The following GLS variants were observed in gnomAD, a reference collection of about 807,000 sequenced individuals.
GLS encodes the protein glutaminase.
A neutral mutation model predicts 86.7 loss-of-function variants in GLS; 36 were observed. The observed-to-expected ratio is 0.42, with a 90% CI of 0.32 to 0.55. GLS has a LOEUF of 0.55. Among genes scored for constraint, GLS ranks in the 20% least tolerant of loss-of-function variants. The probability of loss-of-function intolerance (pLI) is 0.17; values close to 1 mark genes in which losing one functional copy is unlikely to be tolerated. For missense variants in GLS, 528 were observed against 833.4 expected (o/e 0.63, Z 4.51); for synonymous variants, 317 against 305.9 (o/e 1.04, Z -0.38).
chr2:190,954,472 T>G lies in GLS; in HGVS notation c.1713-112T>G. 1 of 688,808 alleles carries G rather than the reference T, an allele frequency of 1.5e-6. No individual in the cohort carries two copies. The highest frequency in any genetic ancestry group is 1.8e-5 in the African/African-American group (1 of 55,270). 42.7% of individuals were successfully genotyped at this position (688,808 alleles called of 1,614,324 possible). A position where few individuals can be genotyped will look rare whatever the true frequency, so the allele number is the denominator to read the frequency against. ...GGTCGGTAGTTCCCATTAATGAGCT[T>G]GATGAAGGATGGCACCTGACAGGGC... On this transcript the variant is annotated intron_variant, in intron 15 of 17. Coordinates refer to ENST00000320717, the MANE Select transcript of GLS (RefSeq NM_014905.5). This position sits in a 1 kb window ranked among gnomAD's most constrained non-coding sequence, Gnocchi z 4.0.
At chr2:190,881,599 GGCCTGCGCC>G in intron 1 of GLS, 129 bp downstream of exon 1, 1 of 907,474 alleles carries the variant, frequency 1.1e-6, no homozygotes, top group Middle Eastern at 3.5e-4. Flanking sequence ...GGTGCCGGGC[GGCCTGCGCC>G]GTCTGCGCCA....
intron 14 of GLS, among the ~76,000 whole-genome samples, chr2:190,942,395 TTAAA>T (rs1329062293): frequency 6.6e-6 from 1 of 152,048 alleles, no homozygotes; most frequent in Non-Finnish European, 1.5e-5. Flanking sequence ...TTTGAAGACT[TTAAA>T]AAAGGGGAGA....
chr2:190,944,960 A>G (rs1203465583), intron 14 of GLS, among the ~76,000 whole-genome samples: 3 of 152,194 alleles, frequency 2.0e-5, no homozygotes, highest in South Asian at 2.1e-4. Flanking sequence ...TTTTCTATAA[A>G]TTGTTTCTTT....
chr2:190,892,051 A>G (rs1688581191), intron 1 of GLS, among the ~76,000 whole-genome samples: 1 of 152,130 alleles, frequency 6.6e-6, no homozygotes, highest in Admixed American at 6.5e-5. Context: ...GATGTCATAG[A>G]TCTATTCTTG....
At chr2:190,936,886 T>A (rs1405765801) in intron 14 of GLS, among the ~76,000 whole-genome samples, 1 of 151,348 alleles carries the variant, frequency 6.6e-6, no homozygotes, top group East Asian at 1.9e-4. Context: ...TTCTCCTACA[T>A]GGCCTTGAAA....
At chr2:190,948,508 G>A (rs183806384) in intron 14 of GLS, among the ~76,000 whole-genome samples, 1 of 152,228 alleles carries the variant, frequency 6.6e-6, no homozygotes, top group African/African-American at 2.4e-5. Context: ...CTCTTCAAAC[G>A]AGCATGGTCT....
At chr2:190,891,559 A>G (rs1165035671) in intron 1 of GLS, among the ~76,000 whole-genome samples, 2 of 152,148 alleles carry the variant, frequency 1.3e-5, no homozygotes, top group Non-Finnish European at 2.9e-5. Context: ...TTAGGAATAA[A>G]TAGTGTAAAA....
At chr2:190,902,118 G>A in intron 5 of GLS, 92 bp downstream of exon 5, 1 of 745,176 alleles carries the variant, frequency 1.3e-6, no homozygotes, top group Non-Finnish European at 2.4e-6. Flanking sequence ...CTTTTATAAT[G>A]GAAATTAGTC....
At chr2:190,937,958 G>A (rs1690322213) in intron 14 of GLS, among the ~76,000 whole-genome samples, 1 of 150,242 alleles carries the variant, frequency 6.7e-6, no homozygotes, top group Non-Finnish European at 1.5e-5. Flanking sequence ...AAAGGCAAGC[G>A]TTAGAAACAG....
At chr2:190,910,657 G>A (rs1208935239) in intron 7 of GLS, among the ~76,000 whole-genome samples, 2 of 146,744 alleles carry the variant, frequency 1.4e-5, no homozygotes, top group Non-Finnish European at 3.0e-5. Flanking sequence ...TTTCCTTTTG[G>A]TTCTTCCAGA....
intron 14 of GLS, among the ~76,000 whole-genome samples, chr2:190,948,849 A>G (rs1205154770): frequency 6.6e-6 from 1 of 152,150 alleles, no homozygotes; most frequent in Non-Finnish European, 1.5e-5. Flanking sequence ...TTTCAGGAGA[A>G]TAGTATGCAC....
At position 190,955,897 on chromosome 2, in the gene GLS, A is replaced by G. The variant is rs1325452217; in HGVS notation, c.1853+1079A>G. On this transcript the variant is annotated intron_variant, in intron 17 of 17. Transcript: ENST00000320717. The surrounding 1 kb of genome is among the most constrained non-coding windows in gnomAD (Gnocchi z 5.6). ...CCAGTGATGATGATATTTTTTTCACATGTTTGTTGGCTGCATAAATGTCTT... is the reference window on the plus strand; with the variant it reads ...CCAGTGATGATGATATTTTTTTCACGTGTTTGTTGGCTGCATAAATGTCTT... Among the ~76,000 whole-genome samples the G allele has an allele frequency of 5.3e-5, 8 of 151,730 alleles. No homozygotes were observed. Among genetic ancestry groups the G allele is most frequent in the African/African-American group, 1.9e-4 (8 of 41,448 alleles).
In GLS at chr2:190,938,611, CTT is replaced by C. The variant is rs1288654828; in HGVS notation, c.1650+6978_1650+6979del. ...CTTTTCCAGGTTTCCTAGCACTTTG[CTT>C]TTTCTATTAGCATATTTAGATTTTT... On this transcript the variant is annotated intron_variant, in intron 14 of 17. Transcript: ENST00000320717. This position sits in a 1 kb window ranked among gnomAD's most constrained non-coding sequence, Gnocchi z 4.1. 6.6e-6 allele frequency among the ~76,000 whole-genome samples: 1 copy of C among 151,624 alleles called. No individual in the cohort carries two copies. The highest frequency in any genetic ancestry group is 1.9e-4 in the East Asian group (1 of 5,198).
At chr2:190,902,481 T>C (rs1413391499) in intron 5 of GLS, among the ~76,000 whole-genome samples, 1 of 152,146 alleles carries the variant, frequency 6.6e-6, no homozygotes, top group Non-Finnish European at 1.5e-5. Context: ...TAAAAGTCAG[T>C]TGCAAAACAT....
At chr2:190,901,145 T>TA (rs2124840823) in intron 4 of GLS, among the ~76,000 whole-genome samples, 1 of 152,188 alleles carries the variant, frequency 6.6e-6, no homozygotes, top group Non-Finnish European at 1.5e-5. Flanking sequence ...AAGCAGGGGT[T>TA]AGGGATGCCA....
Position 190,914,677 on chromosome 2 carries a change from C to CT in GLS, c.1038+4357dup, listed in dbSNP as rs1480716668. Among the ~76,000 whole-genome samples the CT allele has an allele frequency of 2.6e-5, 4 of 151,914 alleles. No individual in the cohort carries two copies. On this transcript the variant is annotated intron_variant, in intron 7 of 17. Transcript: ENST00000320717. This position sits in a 1 kb window ranked among gnomAD's most constrained non-coding sequence, Gnocchi z 4.4. ...TTTTTGCCTTTTTCCTCTATGATCT[C>CT]TAATTTTTAATTGGCTTGCACCTCC...
At chr2:190,923,841 C>T in intron 9 of GLS, 76 bp from the exon 10 acceptor site, 1 of 871,334 alleles carries the variant, frequency 1.1e-6, no homozygotes, top group South Asian at 1.4e-5. Flanking sequence ...CTGTACATTG[C>T]TATGCAAATG....
intron 17 of GLS, among the ~76,000 whole-genome samples, chr2:190,959,372 C>A (rs1442461870): frequency 6.6e-6 from 1 of 151,842 alleles, no homozygotes; most frequent in Non-Finnish European, 1.5e-5. Flanking sequence ...TTGACTCTAT[C>A]CAATTTGCCA....
chr2:190,924,005 T>C lies in GLS; in HGVS notation c.1197+22T>C. On this transcript the variant is annotated intron_variant, in intron 10 of 17. Coordinates refer to ENST00000320717, the MANE Select transcript of GLS (RefSeq NM_014905.5). This position sits in a 1 kb window ranked among gnomAD's most constrained non-coding sequence, Gnocchi z 5.2. ...GAAGGTTTTTAAATTTTTGTTTCTA[T>C]TTCAAATTATTCTTTCATTTAATAA... 2.7e-6 allele frequency: 3 copies of C among 1,125,308 alleles called. No homozygotes were observed. The highest frequency in any genetic ancestry group is 4.0e-6 in the Non-Finnish European group (3 of 753,734). 69.7% of individuals were successfully genotyped at this position (1,125,308 alleles called of 1,614,324 possible).
Sources: gnomAD v4.1 joint callset for allele counts (sites outside exome capture counted in the v4.1 genomes callset) on GRCh38, gnomAD v4.1.1 for gene constraint, Gnocchi (gnomAD v3.1) non-coding constraint, MANE v1.5 for transcripts, NCBI Gene and HGNC (gene_info 2026-07-23, HGNC 2026-07-21) for gene names.